Variants in TCF12 observed in about 807,000 individuals in gnomAD.
The protein encoded by TCF12 is transcription factor 12, also known as DNA-binding protein HTF4.
A neutral mutation model predicts 86.0 loss-of-function variants in TCF12; 45 were observed. The observed-to-expected ratio is 0.52, with a 90% confidence interval of 0.41 to 0.67. TCF12 has a LOEUF of 0.67. Among genes scored for constraint, TCF12 ranks in the 30% least tolerant of loss-of-function variants. TCF12 has a pLI of 0.00. For missense variants in TCF12, 881 were observed against 859.9 expected (o/e 1.02, Z -0.31); for synonymous variants, 330 against 299.6 (o/e 1.10, Z -1.05).
At chr15:57,055,114 A>G (rs1211845906) in intron 3 of TCF12, among the ~76,000 whole-genome samples, 1 of 151,832 alleles carries the variant, frequency 6.6e-6, no homozygotes, top group Non-Finnish European at 1.5e-5. Context: ...TTATCCTTCA[A>G]CCTGGGCCAG....
intron 4 of TCF12, among the ~76,000 whole-genome samples, chr15:57,064,229 A>C (rs950202920): frequency 2.0e-5 from 3 of 152,170 alleles, no homozygotes; most frequent in Non-Finnish European, 4.4e-5. Flanking sequence ...TGCATCAGGA[A>C]CTCAACAGCC....
chr15:56,978,561 C>T (rs1048282964), intron 3 of TCF12, among the ~76,000 whole-genome samples: 4 of 152,156 alleles, frequency 2.6e-5, no homozygotes, highest in Admixed American at 6.5e-5. Flanking sequence ...AAACTAAATT[C>T]AGCATTGTGG....
intron 5 of TCF12, among the ~76,000 whole-genome samples, chr15:57,138,808 T>C (rs2052748645): frequency 6.6e-6 from 1 of 152,232 alleles, no homozygotes; most frequent in Non-Finnish European, 1.5e-5. Flanking sequence ...AGTCATTTCT[T>C]TTTTAAGCGC....
chr15:56,955,506 CA>C (rs2061470975), intron 3 of TCF12, among the ~76,000 whole-genome samples: 1 of 151,972 alleles, frequency 6.6e-6, no homozygotes, highest in Non-Finnish European at 1.5e-5. Context: ...ACCTATGTAT[CA>C]AAGCTGCAGG....
chr15:57,007,679 T>A (rs530597625), intron 3 of TCF12, among the ~76,000 whole-genome samples: 22 of 152,276 alleles, frequency 1.4e-4, no homozygotes, highest in African/African-American at 5.3e-4. Context: ...CTGACTAATA[T>A]GATAAGTCTG....
chr15:57,232,126 T>C (rs1350837768), intron 9 of TCF12, among the ~76,000 whole-genome samples, 165 bp from the exon 10 acceptor site: 2 of 152,216 alleles, frequency 1.3e-5, no homozygotes, highest in Non-Finnish European at 2.9e-5. Context: ...TTCTTCTTTT[T>C]AAATAGTAAT....
At chr15:57,218,570 T>G (rs1348534231) in intron 8 of TCF12, among the ~76,000 whole-genome samples, 1 of 152,160 alleles carries the variant, frequency 6.6e-6, no homozygotes, top group African/African-American at 2.4e-5. Flanking sequence ...TACAAAGTAT[T>G]AAGAACAATA....
intron 1 of TCF12, chr15:56,919,155 G>C (rs2059640835): frequency 6.6e-6 from 1 of 151,770 alleles, no homozygotes; most frequent in African/African-American, 2.4e-5. Flanking sequence ...CCCGACTCGG[G>C]CCGGCGCCCA....
intron 3 of TCF12, among the ~76,000 whole-genome samples, chr15:56,931,039 G>GTC (rs1278922012): frequency 1.4e-4 from 21 of 151,606 alleles, no homozygotes; most frequent in Admixed American, 2.6e-4. Context: ...ATGGAGATCT[G>GTC]TCTCTCTCTC....
chr15:57,210,532 G>C (rs1268950448), intron 8 of TCF12, among the ~76,000 whole-genome samples: 1 of 152,094 alleles, frequency 6.6e-6, no homozygotes, highest in Non-Finnish European at 1.5e-5. Context: ...CCCTTGGTTA[G>C]ATAGGAATTA....
chr15:56,949,822 G>T (rs534909762), intron 3 of TCF12, among the ~76,000 whole-genome samples: 1 of 152,148 alleles, frequency 6.6e-6, no homozygotes, highest in East Asian at 1.9e-4. Context: ...GTGTCATGGG[G>T]TTATAGAGGT....
intron 3 of TCF12, among the ~76,000 whole-genome samples, chr15:57,047,637 T>A (rs2067319703): frequency 6.6e-6 from 1 of 152,238 alleles, no homozygotes; most frequent in African/African-American, 2.4e-5. Context: ...CTATTTGGAT[T>A]GTGAGAGAAA....
chr15:56,961,363 C>A (rs1372244808), intron 3 of TCF12, among the ~76,000 whole-genome samples: 16 of 152,118 alleles, frequency 1.1e-4, no homozygotes, highest in African/African-American at 3.6e-4. Context: ...TCTTAATGAG[C>A]AAATGGATTA....
Position 57,274,045 on chromosome 15 carries a change from ATATACT to A in TCF12, c.1978+788_1978+793del, listed in dbSNP as rs540057934. The stretch of plus-strand genomic sequence containing the variant: ...TTTACCATCAAGCTTGAGTTTCTCC[ATATACT>A]TATATATTGTCTTAAAATATCCTAA... On this transcript the variant is annotated intron_variant, in intron 19 of 20. Transcript: ENST00000333725. Among the ~76,000 whole-genome samples, 256 of 152,300 alleles carry A rather than the reference ATATACT, an allele frequency of 1.7e-3. 1 individual carries two copies. The highest frequency in any genetic ancestry group is 5.9e-3 in the African/African-American group (245 of 41,544).
chr15:56,981,687 A>G (rs1421675005), intron 3 of TCF12, among the ~76,000 whole-genome samples: 2 of 152,210 alleles, frequency 1.3e-5, no homozygotes, highest in African/African-American at 4.8e-5. Context: ...AAACTTAACT[A>G]CGAATAGCCT....
At chr15:57,164,870 G>A (rs796069212) in intron 5 of TCF12, among the ~76,000 whole-genome samples, 1 of 152,164 alleles carries the variant, frequency 6.6e-6, no homozygotes, top group African/African-American at 2.4e-5. Context: ...TAGTAGAGAT[G>A]AGGTTTCACC....
rs139961628 is a variant in TCF12, at chr15:57,175,843, T to C, written c.390+9377T>C. Among the ~76,000 whole-genome samples, 1,404 of 152,232 alleles carry C rather than the reference T, an allele frequency of 9.2e-3. 9 individuals are homozygous for C. Among genetic ancestry groups the C allele is most frequent in the Non-Finnish European group, 0.013 (902 of 68,004 alleles). Reference sequence around the variant, plus strand: ...CTTTGAAGGTTAAAAAGTTGGACAATAGGTAGAAATTAAGCATTCCAGATT... The same window carrying C: ...CTTTGAAGGTTAAAAAGTTGGACAACAGGTAGAAATTAAGCATTCCAGATT... On this transcript the variant is annotated intron_variant, in intron 6 of 20. Coordinates refer to ENST00000333725, the MANE Select transcript of TCF12 (RefSeq NM_207037.2).
chr15:57,139,833 A>G (rs1472342228), intron 5 of TCF12, among the ~76,000 whole-genome samples: 2 of 152,214 alleles, frequency 1.3e-5, no homozygotes, highest in Non-Finnish European at 2.9e-5. Context: ...TAATCTCCCT[A>G]TAGAAGATCT....
At chr15:57,057,819 G>A (rs1046920050) in intron 3 of TCF12, among the ~76,000 whole-genome samples, 1 of 152,166 alleles carries the variant, frequency 6.6e-6, no homozygotes, top group Non-Finnish European at 1.5e-5. Context: ...AGTAATGCAG[G>A]TCAGAGATGA....
Sources: allele counts gnomAD v4.1 joint callset (sites outside exome capture counted in the v4.1 genomes callset), GRCh38; gene constraint gnomAD v4.1.1; transcripts MANE v1.5; gene names NCBI Gene and HGNC (gene_info 2026-07-23, HGNC 2026-07-21).